HDAC9: variants seen among roughly 807,000 people sequenced by gnomAD.
The protein encoded by HDAC9 is MEF-2 interacting transcription repressor (MITR) protein.
In HDAC9, 41 loss-of-function variants were observed where a neutral mutation model predicts 139.4. That is an observed-to-expected ratio of 0.29 (90% CI 0.23 to 0.38). HDAC9 has a LOEUF of 0.38. Among genes scored for constraint, HDAC9 ranks in the 10% least tolerant of loss-of-function variants. The probability of loss-of-function intolerance (pLI) is 1.00; values close to 1 mark genes in which losing one functional copy is unlikely to be tolerated. For synonymous variants in HDAC9, 517 were observed against 476.2 expected (o/e 1.09, Z -1.12); for missense variants, 1,147 against 1,297.0 (o/e 0.88, Z 1.78).
intron 1 of HDAC9, among the ~76,000 whole-genome samples, chr7:18,440,982 A>G (rs1559952): frequency 0.98 from 149,117 of 152,310 alleles, 73,075 homozygotes; most frequent in East Asian, 1. Context: ...TGCATTAGGG[A>G]CACGAGATTT....
In HDAC9 at chr7:18,425,065, T is replaced by G. The variant is rs146872709; in HGVS notation, c.-41-71197T>G. Among the ~76,000 whole-genome samples, 928 of 152,290 alleles carry G rather than the reference T, an allele frequency of 6.1e-3. 9 individuals carry two copies. Among genetic ancestry groups the G allele is most frequent in the African/African-American group, 0.021 (880 of 41,568 alleles). On this transcript the variant is annotated intron_variant, in intron 1 of 3. Coordinates refer to the HDAC9 transcript ENST00000413509. ...GAGAGGTATATGAAAATATTTTTATTATTAATTTTAATCTTGAGGTGTAGT... is the reference window on the plus strand; with the variant it reads ...GAGAGGTATATGAAAATATTTTTATGATTAATTTTAATCTTGAGGTGTAGT...
chr7:18,448,467 T>C (rs2095463371), intron 1 of HDAC9, among the ~76,000 whole-genome samples: 1 of 152,188 alleles, frequency 6.6e-6, no homozygotes, highest in Admixed American at 6.5e-5. Context: ...TCTTTAAAGA[T>C]TTTATATATG....
chr7:18,926,033 TAAATG>T (rs1804194892), intron 22 of HDAC9, among the ~76,000 whole-genome samples: 1 of 152,098 alleles, frequency 6.6e-6, no homozygotes, highest in Non-Finnish European at 1.5e-5. Flanking sequence ...CTGTAATTGT[TAAATG>T]AAAAGCTTTC....
At chr7:18,960,854 T>C (rs1454747243) in intron 24 of HDAC9, among the ~76,000 whole-genome samples, 1 of 152,020 alleles carries the variant, frequency 6.6e-6, no homozygotes, top group African/African-American at 2.4e-5. Flanking sequence ...CCAAATTGTT[T>C]CTAAGCTGAA....
At chr7:18,821,120 G>A (rs1442587204) in intron 17 of HDAC9, among the ~76,000 whole-genome samples, 2 of 152,218 alleles carry the variant, frequency 1.3e-5, no homozygotes, top group South Asian at 2.1e-4. Flanking sequence ...CAGGGTAGAA[G>A]GCGAAAGGGC....
chr7:18,957,679 T>C (rs1783249877), intron 24 of HDAC9, among the ~76,000 whole-genome samples: 1 of 151,982 alleles, frequency 6.6e-6, no homozygotes. Context: ...TTTCTGAGAG[T>C]GGGGCGCTTC....
chr7:18,962,624 C>T (rs562900359), intron 24 of HDAC9, among the ~76,000 whole-genome samples: 77 of 152,156 alleles, frequency 5.1e-4, no homozygotes, highest in African/African-American at 1.8e-3. Context: ...ACTGAAAACT[C>T]TTTGTGGATT....
chr7:18,801,196 A>G (rs972127911), intron 17 of HDAC9, among the ~76,000 whole-genome samples: 19 of 152,218 alleles, frequency 1.2e-4, no homozygotes, highest in African/African-American at 4.3e-4. Flanking sequence ...TTTCTAGATT[A>G]TCTGTTTCAC....
intron 25 of HDAC9, among the ~76,000 whole-genome samples, chr7:18,990,307 A>AG (rs1563112348): frequency 3.3e-5 from 5 of 152,066 alleles, no homozygotes; most frequent in South Asian, 2.1e-4. Flanking sequence ...GTACCTGGCC[A>AG]TGTGAGGTGT....
chr7:18,664,437 C>G (rs1194138552), intron 11 of HDAC9, among the ~76,000 whole-genome samples: 2 of 152,064 alleles, frequency 1.3e-5, no homozygotes, highest in African/African-American at 4.8e-5. Flanking sequence ...TTTTATTTCT[C>G]TAGATTCTTA....
chr7:18,325,423 G>A (rs1357826048), intron 1 of HDAC9: 1 of 152,068 alleles, frequency 6.6e-6, no homozygotes, highest in African/African-American at 2.4e-5. Context: ...TACTAGAACA[G>A]CCAGAGTAAA....
intron 1 of HDAC9, among the ~76,000 whole-genome samples, chr7:18,336,246 A>G (rs1464640247): frequency 4.6e-5 from 7 of 151,614 alleles, no homozygotes; most frequent in Admixed American, 4.0e-4. Flanking sequence ...TGTTGTTATT[A>G]TTATAAGCAT....
At chr7:18,485,799 T>C (rs1795931601) in intron 1 of HDAC9, among the ~76,000 whole-genome samples, 1 of 152,102 alleles carries the variant, frequency 6.6e-6, no homozygotes, top group Non-Finnish European at 1.5e-5. Context: ...AAGTAACGTA[T>C]CCAAGTTGTA....
At chr7:18,096,540 G>C (rs1007422368) in intron 1 of HDAC9, among the ~76,000 whole-genome samples, 1 of 152,172 alleles carries the variant, frequency 6.6e-6, no homozygotes, top group East Asian at 1.9e-4. Flanking sequence ...ATGGACCTCA[G>C]TTTGAAATAC....
intron 2 of HDAC9, among the ~76,000 whole-genome samples, chr7:18,259,291 TAAAC>T (rs1795488490): frequency 6.6e-6 from 1 of 152,010 alleles, no homozygotes. Context: ...TTTGCCAAAA[TAAAC>T]AGTGCCATGA....
At chr7:18,838,074 T>G (rs1796354431) in intron 21 of HDAC9, among the ~76,000 whole-genome samples, 1 of 152,062 alleles carries the variant, frequency 6.6e-6, no homozygotes, top group Non-Finnish European at 1.5e-5. Flanking sequence ...CTCCTGCCAT[T>G]TTGAACTATG....
intron 7 of HDAC9, among the ~76,000 whole-genome samples, chr7:18,631,558 T>C (rs1261907229): frequency 1.3e-5 from 2 of 152,070 alleles, no homozygotes; most frequent in African/African-American, 2.4e-5. Flanking sequence ...TTTGCTGTTA[T>C]CCTCTTACCT....
At chr7:18,352,174 C>A (rs1337176431) in intron 1 of HDAC9, among the ~76,000 whole-genome samples, 1 of 152,146 alleles carries the variant, frequency 6.6e-6, no homozygotes, top group African/African-American at 2.4e-5. Flanking sequence ...CCTCAGGTTT[C>A]TTAAGGTTTC....
intron 2 of HDAC9, among the ~76,000 whole-genome samples, chr7:18,168,002 C>A (rs966679687): frequency 3.3e-5 from 5 of 152,114 alleles, no homozygotes; most frequent in African/African-American, 4.8e-5. Context: ...AAAATCAGGG[C>A]AGATCAGCTC....
Sources: allele counts gnomAD v4.1 joint callset (sites outside exome capture counted in the v4.1 genomes callset), GRCh38; gene constraint gnomAD v4.1.1; transcripts MANE v1.5; gene names NCBI Gene and HGNC (gene_info 2026-07-23, HGNC 2026-07-21).